The following EPG5 variants were observed in gnomAD, a reference collection of about 807,000 sequenced individuals.
The protein encoded by EPG5 is ectopic P granules protein 5 homolog.
Under a neutral mutation model 302.7 loss-of-function variants are expected in EPG5, and 159 were observed. The observed-to-expected ratio is 0.53, with a 90% CI of 0.46 to 0.60. The LOEUF (loss-of-function observed/expected upper bound fraction) is 0.60, where lower values mean the gene tolerates loss of function less well. EPG5 is among the 20% of genes least tolerant of loss of function. EPG5 has a pLI of 0.00. For synonymous variants in EPG5, 1,158 were observed against 1,136.8 expected (o/e 1.02, Z -0.37); for missense variants, 2,896 against 3,092.4 (o/e 0.94, Z 1.51).
chr18:45,842,431 G>A, the EPG5 span: 6 of 520,814 alleles, frequency 1.2e-5, no homozygotes, highest in Non-Finnish European at 2.0e-5. Flanking sequence ...GTCTGTGTGT[G>A]TGTGTGTGTG....
chr18:45,935,887 C>T (rs1022731841), intron 10 of EPG5, among the ~76,000 whole-genome samples: 1 of 152,156 alleles, frequency 6.6e-6, no homozygotes, highest in African/African-American at 2.4e-5. Flanking sequence ...CTGGAGAGAC[C>T]CCACACCTCC....
chr18:45,899,182 A>AT (rs982600514), intron 27 of EPG5, among the ~76,000 whole-genome samples: 8 of 151,632 alleles, frequency 5.3e-5, no homozygotes, highest in African/African-American at 1.7e-4. Flanking sequence ...AATGATTCTG[A>AT]TTTTTTTTTA....
intron 38 of EPG5, among the ~76,000 whole-genome samples, chr18:45,866,586 A>G (rs1362238338): frequency 6.6e-6 from 1 of 152,156 alleles, no homozygotes; most frequent in Non-Finnish European, 1.5e-5. Context: ...TTGACCTTTC[A>G]TCGACATGTG....
chr18:45,923,468 G>C, intron 14 of EPG5, 81 bp from the exon 15 acceptor site: 2 of 1,423,018 alleles, frequency 1.4e-6, no homozygotes, highest in Non-Finnish European at 1.9e-6. Context: ...ACATTAGGCA[G>C]AATAGTAACA....
chr18:45,883,069 G>A (rs9956058), intron 30 of EPG5, among the ~76,000 whole-genome samples: 93,671 of 150,992 alleles, frequency 0.62, 29,240 homozygotes, highest in Non-Finnish European at 0.64. Flanking sequence ...ATCTATTTCT[G>A]TGTTACTATC....
At chr18:45,859,520 T>A in intron 40 of EPG5, among the ~76,000 whole-genome samples, 1 of 152,198 alleles carries the variant, frequency 6.6e-6, no homozygotes, top group Non-Finnish European at 1.5e-5. Context: ...GATATCAGAG[T>A]TGAGAAGTGC....
rs769368560 is a variant in EPG5 at position 45,867,633 on chromosome 18, C to T, written c.6341G>A (p.Arg2114His). 56 of 1,613,894 alleles carry T rather than the reference C, an allele frequency of 3.5e-5. No homozygotes were observed. In the South Asian group the frequency reaches 4.2e-4, roughly 12 times the overall value. ...GAAAAGGAGGCAGACAATCATGCTG[C>T]GGGTTTCTGGGTGGGGACTGGAATT... The part of the protein sequence containing the change: ...AWNSSPHPET[R>H]SMIVCLLFMM... Residue 2114 changes from arginine (R) to histidine (H), a missense_variant, in exon 37 of 44, where the codon CGC (arginine) becomes CAC (histidine). Physicochemically the swap from Arg to His is conservative, Grantham distance 29. Transcript: ENST00000282041.
At chr18:45,819,024 G>A in the EPG5 span, among the ~76,000 whole-genome samples, 15 of 152,128 alleles carry the variant, frequency 9.9e-5, no homozygotes, top group East Asian at 2.7e-3. Flanking sequence ...GTGAGCCACC[G>A]TGCCTGGCCT....
intron 1 of EPG5, among the ~76,000 whole-genome samples, chr18:45,963,602 T>C (rs1473576141): frequency 6.6e-6 from 1 of 151,894 alleles, no homozygotes; most frequent in Non-Finnish European, 1.5e-5. Context: ...ACCACTTCAC[T>C]CCAGCCTGGG....
chr18:45,876,103 G>C (rs1019528313), intron 35 of EPG5, 133 bp downstream of exon 35: 1 of 605,130 alleles, frequency 1.7e-6, no homozygotes, highest in African/African-American at 1.9e-5. Context: ...CTAAATAATT[G>C]TATCAGCGAC....
rs774747428 is a variant in EPG5 at position 45,865,763 on chromosome 18, A to AC, written c.6622-5dup. On this transcript the variant is annotated splice_region_variant and splice_polypyrimidine_tract_variant and intron_variant, in intron 38 of 43. Transcript: ENST00000282041. ...CTTGGCATTTTGGAACTGCATCCTG[A>AC]CCAAAAAAAAAAAAAAAAATCATTC... The AC allele has an allele frequency of 6.5e-7, 1 of 1,529,808 alleles. No individual in the cohort carries two copies. The highest frequency in any genetic ancestry group is 8.7e-7 in the Non-Finnish European group (1 of 1,148,540). 94.8% of individuals were successfully genotyped at this position (1,529,808 alleles called of 1,614,324 possible).
chr18:45,839,766 A>T, the EPG5 span, among the ~76,000 whole-genome samples: 2 of 152,168 alleles, frequency 1.3e-5, no homozygotes, highest in African/African-American at 4.8e-5. Context: ...GTGTCCTGAG[A>T]TTGCCACTCC....
At chr18:45,882,902 G>T (rs1208166228) in intron 30 of EPG5, among the ~76,000 whole-genome samples, 3 of 151,680 alleles carry the variant, frequency 2.0e-5, no homozygotes, top group African/African-American at 7.3e-5. Flanking sequence ...GGCTACTCAG[G>T]AGGCTGAGAC....
At position 45,937,962 on chromosome 18, in the gene EPG5, T is replaced by C. The variant is rs552485664; in HGVS notation, c.2099+1638A>G. Among the ~76,000 whole-genome samples, 30 of 152,292 alleles carry C rather than the reference T, an allele frequency of 2.0e-4. No homozygotes were observed. The South Asian group carries it at 5.4e-3, about 27-fold the overall frequency. On this transcript the variant is annotated intron_variant, in intron 10 of 43. Coordinates refer to ENST00000282041, the MANE Select transcript of EPG5 (RefSeq NM_020964.3). Reference sequence around the variant, plus strand: ...GGTTCACAGCTCAATATATAAGCTCTAGTAAGTAACTAGGATGAGAGCTTT... The same window carrying C: ...GGTTCACAGCTCAATATATAAGCTCCAGTAAGTAACTAGGATGAGAGCTTT...
intron 14 of EPG5, among the ~76,000 whole-genome samples, chr18:45,924,364 T>G (rs1408309434): frequency 6.6e-6 from 1 of 152,208 alleles, no homozygotes; most frequent in East Asian, 1.9e-4. Context: ...CCTACGAGCA[T>G]GTCAATGAGA....
At chr18:45,839,805 G>T in the EPG5 span, among the ~76,000 whole-genome samples, 6 of 152,166 alleles carry the variant, frequency 3.9e-5, no homozygotes, top group Non-Finnish European at 8.8e-5. Context: ...TCAGAAATCT[G>T]CCCTGTGCCC....
intron 16 of EPG5, among the ~76,000 whole-genome samples, chr18:45,919,425 A>G (rs1341920258): frequency 6.6e-6 from 1 of 152,206 alleles, no homozygotes; most frequent in Non-Finnish European, 1.5e-5. Flanking sequence ...TGGATACAAG[A>G]AATTCGAGAA....
At chr18:45,801,389 G>A in the EPG5 span, among the ~76,000 whole-genome samples, 506 of 152,174 alleles carry the variant, frequency 3.3e-3, 3 homozygotes, top group African/African-American at 0.011. Context: ...GGCTGGTCTC[G>A]AACTCCTGAG....
intron 21 of EPG5, among the ~76,000 whole-genome samples, chr18:45,912,991 G>A (rs2049942670): frequency 6.6e-6 from 1 of 151,906 alleles, no homozygotes; most frequent in African/African-American, 2.4e-5. Flanking sequence ...GGGAGGCTGA[G>A]GCATGAGAAT....
Sources: gnomAD v4.1 joint callset for allele counts (sites outside exome capture counted in the v4.1 genomes callset) on GRCh38, gnomAD v4.1.1 for gene constraint, MANE v1.5 for transcripts, NCBI Gene and HGNC (gene_info 2026-07-23, HGNC 2026-07-21) for gene names.